The following IHO1 variants were observed in gnomAD, a reference collection of about 807,000 sequenced individuals.
The protein encoded by IHO1 is interactor of HORMAD1 1.
Under a neutral mutation model 31.0 loss-of-function variants are expected in IHO1, and 13 were observed. That is an observed-to-expected ratio of 0.42 (90% CI 0.27 to 0.67). IHO1 has a LOEUF of 0.67. IHO1 is among the 30% of genes least tolerant of loss of function. IHO1 has a pLI of 0.24. For synonymous variants in IHO1, 221 were observed against 248.4 expected (o/e 0.89, Z 1.04); for missense variants, 599 against 687.5 (o/e 0.87, Z 1.44).
chr3:49,210,727 C>T (rs1486215553), intron 1 of IHO1, among the ~76,000 whole-genome samples: 1 of 129,522 alleles, frequency 7.7e-6, no homozygotes, highest in Non-Finnish European at 1.6e-5. Context: ...GATGGGGTCT[C>T]ACTCTGTCGC....
chr3:49,193,617 C>T (rs1314973676), upstream of IHO1, among the ~76,000 whole-genome samples: 1 of 132,800 alleles, frequency 7.5e-6, no homozygotes, highest in East Asian at 2.3e-4. Context: ...AGAGATCACA[C>T]CATTGCACTC....
chr3:49,200,475 A>AAAAAAGAAAGAAAGAAAGAAAG lies in IHO1; in HGVS notation c.-16+905_-16+906insAAGAAAGAAAGAAAGAAAGAAA, dbSNP rs1553615439. On this transcript the variant is annotated intron_variant, in intron 1 of 7. Transcript: ENST00000452691. ...GTGAGACTCGGTCTCAAAAAAAAAA[A>AAAAAAGAAAGAAAGAAAGAAAG]AAAGAAAGAAAGAAAGAAAGAAAGA... The AAAAAAGAAAGAAAGAAAGAAAG allele has an allele frequency of 8.7e-5, 9 of 103,868 alleles. 1 individual carries two copies. Among genetic ancestry groups the AAAAAAGAAAGAAAGAAAGAAAG allele is most frequent in the African/African-American group, 4.9e-4 (8 of 16,492 alleles). The allele number at this position is 103,868 out of a possible 1,614,324, so 6.4% of individuals were successfully genotyped here.
chr3:49,249,391 C>T (rs1028540811), intron 6 of IHO1, among the ~76,000 whole-genome samples: 5 of 152,010 alleles, frequency 3.3e-5, no homozygotes. Context: ...CTGCCTCAGC[C>T]TCCCAAGTAG....
At chr3:49,222,893 A>T (rs1022201792) in intron 2 of IHO1, among the ~76,000 whole-genome samples, 1 of 151,896 alleles carries the variant, frequency 6.6e-6, no homozygotes, top group Non-Finnish European at 1.5e-5. Flanking sequence ...CCAAGATTCC[A>T]CTCCTGCCAC....
At chr3:49,241,597 A>C (rs1208082595) in intron 4 of IHO1, among the ~76,000 whole-genome samples, 7 of 151,902 alleles carry the variant, frequency 4.6e-5, no homozygotes, top group African/African-American at 1.7e-4. Context: ...AGAGGGAGAA[A>C]GAGAAAGAGG....
intron 2 of IHO1, among the ~76,000 whole-genome samples, chr3:49,218,628 C>T (rs979906380): frequency 1.3e-5 from 2 of 152,128 alleles, no homozygotes; most frequent in African/African-American, 4.8e-5. Flanking sequence ...GATCCGCCCA[C>T]CTTGGCCTCT....
intron 3 of IHO1, among the ~76,000 whole-genome samples, chr3:49,240,012 A>G (rs1484745930): frequency 6.6e-6 from 1 of 152,050 alleles, no homozygotes; most frequent in Non-Finnish European, 1.5e-5. Flanking sequence ...GGACTTAACA[A>G]ATAAGATTAA....
intron 2 of IHO1, among the ~76,000 whole-genome samples, chr3:49,236,335 G>A (rs745614082): frequency 1.3e-5 from 2 of 152,194 alleles, no homozygotes; most frequent in Non-Finnish European, 2.9e-5. Context: ...CTTTCTGTTT[G>A]AGTTTCCATC....
In IHO1 at chr3:49,241,218, T is replaced by A; in HGVS notation, c.232-8T>A. The A allele has an allele frequency of 6.3e-7, 1 of 1,579,008 alleles. No homozygotes were observed. Among genetic ancestry groups the A allele is most frequent in the Non-Finnish European group, 8.6e-7 (1 of 1,166,174 alleles). ...TGTGAAATGCTATATATTTTTTTCA[T>A]TTAACAGGGTGAACCTAGCATTTTC... On this transcript the variant is annotated splice_polypyrimidine_tract_variant and splice_region_variant and intron_variant, in intron 3 of 7. Coordinates refer to ENST00000452691, the MANE Select transcript of IHO1 (RefSeq NM_001135197.2).
intron 6 of IHO1, among the ~76,000 whole-genome samples, chr3:49,246,082 T>C (rs1448618352): frequency 6.7e-6 from 1 of 149,378 alleles, no homozygotes; most frequent in Non-Finnish European, 1.5e-5. Flanking sequence ...CTCGGGAGGC[T>C]GAGGCAGAAG....
At chr3:49,195,605 T>A (rs911332424), upstream of IHO1, among the ~76,000 whole-genome samples, 1 of 150,958 alleles carries the variant, frequency 6.6e-6, no homozygotes, top group African/African-American at 2.4e-5. Context: ...TCCCAGCTAC[T>A]CAGGAGGCTA....
intron 1 of IHO1, among the ~76,000 whole-genome samples, chr3:49,206,452 A>T (rs1302532204): frequency 1.5e-5 from 2 of 132,420 alleles, no homozygotes; most frequent in Non-Finnish European, 3.2e-5. Flanking sequence ...CTGGTCTCGA[A>T]CTCCTGACCT....
Position 49,244,667 on chromosome 3 carries a change from T to C in IHO1, c.466T>C (p.Ser156Pro). The C allele has an allele frequency of 6.2e-7, 1 of 1,614,024 alleles. No individual in the cohort carries two copies. The highest frequency in any genetic ancestry group is 8.5e-7 in the Non-Finnish European group (1 of 1,179,862). Residue 156 changes from serine to proline, a missense_variant, in exon 6 of 8, where the codon TCT (serine) becomes CCT (proline). Physicochemically the swap from Ser to Pro is moderately conservative, Grantham distance 74 (BLOSUM62 -1). Coordinates refer to ENST00000452691, the MANE Select transcript of IHO1 (RefSeq NM_001135197.2). ...ILRLQTSVEK[S>P]EDHLSSRSQS... ...TTAGTTGCAGACGTCTGTGGAAAAG[T>C]CTGAGGACCATCTCAGTTCAAGAAG...
intron 2 of IHO1, among the ~76,000 whole-genome samples, chr3:49,224,739 G>T (rs2046398122): frequency 6.6e-6 from 1 of 152,164 alleles, no homozygotes. Context: ...ATTAGCTAAG[G>T]GGACTTCTAA....
At chr3:49,193,655 CAAAAA>C (rs71077770), upstream of IHO1, among the ~76,000 whole-genome samples, 2 of 25,016 alleles carry the variant, frequency 8.0e-5, no homozygotes, top group African/African-American at 1.9e-4. Context: ...GAGACTCTAC[CAAAAA>C]AAAAAAAAAA....
In IHO1 at chr3:49,244,735, T is replaced by A. The variant is rs1283552517; in HGVS notation, c.532+2T>A. On this transcript the variant is annotated splice_donor_variant, in intron 6 of 7. Coordinates refer to ENST00000452691, the MANE Select transcript of IHO1 (RefSeq NM_001135197.2). LOFTEE classifies it high-confidence loss of function. ...CTTTGGAGACTGTGGCCAAGACATGTGAGTGCCTCATGTTTGAGGTATCAG... is the reference window on the plus strand; with the variant it reads ...CTTTGGAGACTGTGGCCAAGACATGAGAGTGCCTCATGTTTGAGGTATCAG... The A allele has an allele frequency of 6.2e-7, 1 of 1,612,446 alleles. No homozygotes were observed. Among genetic ancestry groups the A allele is most frequent in the Non-Finnish European group, 8.5e-7 (1 of 1,178,416 alleles).
chr3:49,218,496 C>T (rs1172465307), intron 2 of IHO1, among the ~76,000 whole-genome samples: 1 of 150,222 alleles, frequency 6.7e-6, no homozygotes, highest in Non-Finnish European at 1.5e-5. Flanking sequence ...ATTCTCTTGC[C>T]TCAGACTCCC....
At chr3:49,200,475 A>AAGAAAGAAAGAAAGAAAGAAAGAAAG (rs1553615440) in intron 1 of IHO1, 13 of 103,868 alleles carry the variant, frequency 1.3e-4, no homozygotes, top group African/African-American at 1.2e-4. Context: ...AAAAAAAAAA[A>AAGAAAGAAAGAAAGAAAGAAAGAAAG]AAAGAAAGAA....
Position 49,244,745 on chromosome 3 carries a change from A to G in IHO1, c.532+12A>G, listed in dbSNP as rs1270432541. 2 of 1,608,874 alleles carry G rather than the reference A, an allele frequency of 1.2e-6. No homozygotes were observed. The highest frequency in any genetic ancestry group is 2.7e-5 in the African/African-American group (2 of 74,790). ...TGTGGCCAAGACATGTGAGTGCCTC[A>G]TGTTTGAGGTATCAGCAGAGGGCAC... On this transcript the variant is annotated intron_variant, in intron 6 of 7. Transcript: ENST00000452691.
Sources: gnomAD v4.1 joint callset for allele counts (sites outside exome capture counted in the v4.1 genomes callset) on GRCh38, gnomAD v4.1.1 for gene constraint, MANE v1.5 for transcripts, NCBI Gene and HGNC (gene_info 2026-07-23, HGNC 2026-07-21) for gene names.